LRP1B: variants seen among roughly 807,000 people sequenced by gnomAD.
LRP1B encodes low-density lipoprotein receptor-related protein 1B.
A neutral mutation model predicts 556.6 loss-of-function variants in LRP1B; 217 were observed. The ratio of observed to expected loss-of-function variants is 0.39; its 90% confidence interval spans 0.35 to 0.44. The LOEUF (loss-of-function observed/expected upper bound fraction) is 0.44. Ranked by LOEUF, LRP1B falls within the 20% of genes least tolerant of loss-of-function variation. The pLI, the probability that LRP1B is intolerant of heterozygous loss-of-function variation, is 1.00. For missense variants in LRP1B, 5,053 were observed against 5,620.8 expected, an observed-to-expected ratio of 0.90 and a Z score of 3.23; for synonymous variants, 2,047 against 1,865.8, an observed-to-expected ratio of 1.10 and a Z score of -2.50.
intron 23 of LRP1B, among the ~76,000 whole-genome samples, chr2:140,892,789 TAA>T (rs1258067294): frequency 6.6e-6 from 1 of 152,122 alleles, no homozygotes; most frequent in Non-Finnish European, 1.5e-5. Context: ...TGGAAAAGCA[TAA>T]AAGATGTGTG....
chr2:140,402,678 T>C (rs1205997513), intron 66 of LRP1B, among the ~76,000 whole-genome samples: 1 of 152,132 alleles, frequency 6.6e-6, no homozygotes, highest in Admixed American at 6.5e-5. Context: ...TTCCACCTGA[T>C]AAGACCTCAG....
intron 2 of LRP1B, among the ~76,000 whole-genome samples, chr2:141,516,692 C>CTCTTTTTTTTTTTTTTTTTTTT (rs1559116115): frequency 8.0e-6 from 1 of 124,580 alleles, no homozygotes. Flanking sequence ...CTCTCTCTCT[C>CTCTTTTTTTTTTTTTTTTTTTT]TTTTTTTTTT....
chr2:140,767,197 G>A (rs1185328469), intron 35 of LRP1B, among the ~76,000 whole-genome samples: 1 of 151,872 alleles, frequency 6.6e-6, no homozygotes, highest in Non-Finnish European at 1.5e-5. Context: ...TGTATTCTGA[G>A]TAACAGTAGG....
At chr2:141,872,286 T>G (rs1462456973) in intron 1 of LRP1B, among the ~76,000 whole-genome samples, 2 of 151,864 alleles carry the variant, frequency 1.3e-5, no homozygotes, top group African/African-American at 4.8e-5. Flanking sequence ...AAATATTTTT[T>G]GGGAAAAAAA....
chr2:140,650,883 C>T (rs974437364), intron 41 of LRP1B, among the ~76,000 whole-genome samples: 2 of 152,064 alleles, frequency 1.3e-5, no homozygotes, highest in Non-Finnish European at 2.9e-5. Context: ...GACTAAAAAA[C>T]ACAACAAGCA....
At chr2:141,050,891 A>G (rs978227928) in intron 10 of LRP1B, among the ~76,000 whole-genome samples, 2 of 152,070 alleles carry the variant, frequency 1.3e-5, no homozygotes, top group African/African-American at 4.8e-5. Context: ...CATTTGACAA[A>G]GGACTAGTAT....
At chr2:141,465,964 C>G (rs1682178227) in intron 3 of LRP1B, among the ~76,000 whole-genome samples, 1 of 152,052 alleles carries the variant, frequency 6.6e-6, no homozygotes, top group South Asian at 2.1e-4. Flanking sequence ...TCTTGGCTCA[C>G]TGCAACCTCT....
rs1013983355 is a variant in LRP1B at position 141,058,947 on chromosome 2, G to C, written c.1344C>G (p.His448Gln). ...RINRFNGTDI[H>Q]SLIKIENAWG... ...AAGCATTCTCAATTTTAATTAATGA[G>C]TGAATATCAGTCCCATTAAATCGGT... The change falls in exon 9 of 91, where the codon CAC (histidine) becomes CAG (glutamine). Residue 448 changes from histidine (H) to glutamine (Q), a missense_variant. Physicochemically the swap from His to Gln is conservative, Grantham distance 24. This residue lies in a region of LRP1B where 3,619 missense variants were observed against 3,931.9 expected (regional missense o/e 0.92). Transcript: ENST00000389484. The C allele has an allele frequency of 4.4e-6, 7 of 1,600,528 alleles. No homozygotes were observed. The highest frequency in any genetic ancestry group is 5.1e-6 in the Non-Finnish European group (6 of 1,173,648).
chr2:140,785,652 G>T (rs73961500), intron 32 of LRP1B, among the ~76,000 whole-genome samples: 1 of 151,954 alleles, frequency 6.6e-6, no homozygotes, highest in Non-Finnish European at 1.5e-5. Flanking sequence ...CCCCTATACC[G>T]CCCCAACAGC....
chr2:141,284,023 A>G (rs944412819), intron 3 of LRP1B, among the ~76,000 whole-genome samples: 1 of 152,192 alleles, frequency 6.6e-6, no homozygotes, highest in African/African-American at 2.4e-5. Context: ...AGAGTTTTAC[A>G]GAGTGCAATG....
intron 2 of LRP1B, among the ~76,000 whole-genome samples, chr2:141,603,310 CAGT>C (rs1230828127): frequency 6.6e-6 from 1 of 152,162 alleles, no homozygotes; most frequent in Non-Finnish European, 1.5e-5. Flanking sequence ...ATAATAGTAA[CAGT>C]AGGCTCAGTT....
At chr2:142,097,158 C>T (rs967639872) in intron 1 of LRP1B, among the ~76,000 whole-genome samples, 1 of 151,566 alleles carries the variant, frequency 6.6e-6, no homozygotes, top group Non-Finnish European at 1.5e-5. Context: ...AGAATGTAAG[C>T]ACTTTGAGGG....
At chr2:140,615,810 C>A (rs536291374) in intron 41 of LRP1B, among the ~76,000 whole-genome samples, 1 of 151,326 alleles carries the variant, frequency 6.6e-6, no homozygotes, top group South Asian at 2.1e-4. Context: ...ATATTTTGCC[C>A]AAACTGCTAT....
At chr2:140,845,039 T>C (rs1692232828) in intron 29 of LRP1B, among the ~76,000 whole-genome samples, 1 of 152,090 alleles carries the variant, frequency 6.6e-6, no homozygotes, top group African/African-American at 2.4e-5. Flanking sequence ...TAGTGAAAGA[T>C]GAGTGAGAGA....
At chr2:141,959,217 G>C (rs902146717) in intron 1 of LRP1B, among the ~76,000 whole-genome samples, 1 of 151,928 alleles carries the variant, frequency 6.6e-6, no homozygotes. Context: ...TGTTTCTAAT[G>C]ACCTCAAATG....
chr2:140,864,041 A>T (rs529972412), intron 27 of LRP1B, among the ~76,000 whole-genome samples: 1 of 151,908 alleles, frequency 6.6e-6, no homozygotes, highest in East Asian at 2.0e-4. Flanking sequence ...TTCTGTTCAG[A>T]TAACAGAACG....
At position 140,994,121 on chromosome 2, in the gene LRP1B, C is replaced by T. The variant is rs761235567; in HGVS notation, c.2518G>A (p.Ala840Thr). 7 of 1,612,358 alleles carry T rather than the reference C, an allele frequency of 4.3e-6. No individual in the cohort carries two copies. The South Asian group carries it at 7.7e-5, about 18-fold the overall frequency. ...GTTCTFNPGEALPHICKAGEF... is the reference protein window; with the variant it reads ...GTTCTFNPGETLPHICKAGEF... ...CCAGCTTTACATATGTGAGGTAGTG[C>T]TTCTCCAGGATTAACTAGAGTTAAA... Residue 840 changes from alanine (A) to threonine (T), a missense_variant, in exon 16 of 91, where the codon GCA (alanine) becomes ACA (threonine). Ala to Thr is a moderately conservative substitution (Grantham distance 58). This residue lies in a region of LRP1B where 3,619 missense variants were observed against 3,931.9 expected (regional missense o/e 0.92). Coordinates refer to ENST00000389484, the MANE Select transcript of LRP1B (RefSeq NM_018557.3).
intron 3 of LRP1B, among the ~76,000 whole-genome samples, chr2:141,423,170 A>G (rs1680204181): frequency 1.3e-5 from 2 of 152,026 alleles, no homozygotes; most frequent in African/African-American, 4.8e-5. Flanking sequence ...CCTGGCAGAC[A>G]ATTGTCTCTG....
At chr2:141,962,505 T>C (rs1242564514) in intron 1 of LRP1B, among the ~76,000 whole-genome samples, 5 of 151,788 alleles carry the variant, frequency 3.3e-5, no homozygotes, top group Non-Finnish European at 7.4e-5. Context: ...ACTGTGCAAA[T>C]ATTCAACTAC....
Sources: allele counts gnomAD v4.1 joint callset (sites outside exome capture counted in the v4.1 genomes callset), GRCh38; gene constraint gnomAD v4.1.1; regional missense constraint gnomAD v4.1.1; transcripts MANE v1.5; gene names NCBI Gene and HGNC (gene_info 2026-07-23, HGNC 2026-07-21).